The following TRPS1 variants were observed in gnomAD, a reference collection of about 807,000 sequenced individuals.
TRPS1 encodes transcriptional repressor GATA binding 1.
TRPS1 carries 6 observed loss-of-function variants against 101.2 expected under a neutral mutation model. That is an observed-to-expected ratio of 0.06 (90% CI 0.03 to 0.12). The LOEUF (loss-of-function observed/expected upper bound fraction) is 0.12, where lower values mean the gene tolerates loss of function less well. TRPS1 is among the 10% of genes least tolerant of loss of function. The probability of loss-of-function intolerance (pLI) is 1.00; values close to 1 mark genes in which losing one functional copy is unlikely to be tolerated. For synonymous variants in TRPS1, 578 were observed against 589.8 expected, an observed-to-expected ratio of 0.98 and a Z score of 0.29; for missense variants, 1,363 against 1,567.0, an observed-to-expected ratio of 0.87 and a Z score of 2.20.
chr8:115,439,078 A>C (rs988305386), intron 5 of TRPS1, among the ~76,000 whole-genome samples: 3 of 152,158 alleles, frequency 2.0e-5, no homozygotes, highest in African/African-American at 7.2e-5. Context: ...TGTGATTTTC[A>C]CTTCCTGGCA....
intron 5 of TRPS1, among the ~76,000 whole-genome samples, chr8:115,465,598 T>C (rs992597103): frequency 6.6e-6 from 1 of 152,168 alleles, no homozygotes; most frequent in African/African-American, 2.4e-5. Flanking sequence ...ATTGAAAAGA[T>C]ACATATACTG....
intron 1 of TRPS1, among the ~76,000 whole-genome samples, chr8:115,624,494 C>A (rs1057175153): frequency 8.6e-5 from 13 of 151,960 alleles, no homozygotes; most frequent in African/African-American, 2.7e-4. Flanking sequence ...ATATTATACG[C>A]CAAGATATTT....
At chr8:115,489,636 G>C (rs1399505963) in intron 5 of TRPS1, among the ~76,000 whole-genome samples, 1 of 152,086 alleles carries the variant, frequency 6.6e-6, no homozygotes, top group East Asian at 1.9e-4. Flanking sequence ...AAAGCAAAGA[G>C]TGGCTTTTGG....
chr8:115,567,541 A>C (rs1817097829), intron 5 of TRPS1, among the ~76,000 whole-genome samples: 1 of 152,122 alleles, frequency 6.6e-6, no homozygotes, highest in African/African-American at 2.4e-5. Flanking sequence ...CTAAATATTC[A>C]GATATGGATT....
At chr8:115,482,381 T>G (rs935192482) in intron 5 of TRPS1, among the ~76,000 whole-genome samples, 7 of 152,160 alleles carry the variant, frequency 4.6e-5, no homozygotes, top group African/African-American at 1.7e-4. Flanking sequence ...GTACAAAGTC[T>G]TACAGTTATA....
intron 5 of TRPS1, among the ~76,000 whole-genome samples, chr8:115,514,226 T>C (rs898360820): frequency 6.6e-6 from 1 of 151,742 alleles, no homozygotes; most frequent in African/African-American, 2.4e-5. Context: ...GAAGACATGG[T>C]CCTATGTTCA....
intron 5 of TRPS1, among the ~76,000 whole-genome samples, chr8:115,503,792 G>T (rs1350231277): frequency 6.6e-6 from 1 of 152,134 alleles, no homozygotes. Context: ...TTTATGAGCT[G>T]ATAGAAAAGA....
In TRPS1 at chr8:115,619,594, C is replaced by A. The variant is rs766879868; in HGVS notation, c.504G>T (p.Lys168Asn). The stretch of plus-strand genomic sequence containing the variant: ...TTTCCTCTGTAGCCTTTGGTGACAT[C>A]TTCTGATCTTCCTTTGTCTCCAGTG... ...GDSLETKEDQ[K>N]MSPKATEETG... is the part of the protein sequence containing the mutation. Residue 168 changes from lysine to asparagine, a missense_variant, in exon 3 of 7, where the codon AAG becomes AAT. Coordinates refer to ENST00000395715, the MANE Select transcript of TRPS1 (RefSeq NM_014112.5). 1 of 1,614,172 alleles carries A rather than the reference C, an allele frequency of 6.2e-7. No homozygotes were observed. Among genetic ancestry groups the A allele is most frequent in the Non-Finnish European group, 8.5e-7 (1 of 1,180,026 alleles).
At chr8:115,419,106 A>G (rs1426201770) in intron 5 of TRPS1, among the ~76,000 whole-genome samples, 1 of 152,242 alleles carries the variant, frequency 6.6e-6, no homozygotes, top group African/African-American at 2.4e-5. Context: ...GTTAGGCAAC[A>G]TAGACCCTTC....
At chr8:115,615,635 C>T (rs1443413928) in intron 3 of TRPS1, among the ~76,000 whole-genome samples, 5 of 152,096 alleles carry the variant, frequency 3.3e-5, no homozygotes, top group African/African-American at 1.2e-4. Context: ...GTGGTGCACA[C>T]CTGTTATCTC....
intron 5 of TRPS1, among the ~76,000 whole-genome samples, chr8:115,489,996 T>A (rs995483441): frequency 6.6e-5 from 10 of 152,210 alleles, no homozygotes; most frequent in Non-Finnish European, 1.5e-4. Context: ...TTTAGCTAAA[T>A]GTAAGAGTAG....
chr8:115,493,429 G>C (rs1014622102), intron 5 of TRPS1, among the ~76,000 whole-genome samples: 1 of 151,972 alleles, frequency 6.6e-6, no homozygotes, highest in Non-Finnish European at 1.5e-5. Context: ...GGCTCACTGC[G>C]ACTTCTGCCT....
chr8:115,581,103 G>A (rs1321209794), intron 5 of TRPS1, among the ~76,000 whole-genome samples: 2 of 151,942 alleles, frequency 1.3e-5, no homozygotes, highest in Non-Finnish European at 2.9e-5. Flanking sequence ...TTGCAGCAAC[G>A]TGAATAGAAC....
rs1243987773 is a variant in TRPS1, at chr8:115,604,115, C to T, written c.1854G>A (p.Gly618=). Residue 618 remains glycine (G), a synonymous_variant, in exon 4 of 7, where the codon GGG becomes GGA. Coordinates refer to ENST00000395715, the MANE Select transcript of TRPS1 (RefSeq NM_014112.5). This position sits in a 1 kb window ranked among gnomAD's most constrained non-coding sequence, Gnocchi z 4.1. Reference sequence around the variant, plus strand: ...GTTTGACTCGCGAGCTTCCAGCCGCCCCAGGAGACAAGTGCAGAAGCAAGA... The same window carrying T: ...GTTTGACTCGCGAGCTTCCAGCCGCTCCAGGAGACAAGTGCAGAAGCAAGA... ...CALLLLHLSP[G]AAGSSRVKHQ... 1 of 1,613,988 alleles carries T rather than the reference C, an allele frequency of 6.2e-7. No individual in the cohort carries two copies. Among genetic ancestry groups the T allele is most frequent in the African/African-American group, 1.3e-5 (1 of 74,980 alleles).
rs1346995047 is a variant in TRPS1 at position 115,514,233 on chromosome 8, T to A, written c.2700+72768A>T. Among the ~76,000 whole-genome samples the A allele has an allele frequency of 2.0e-5, 3 of 151,852 alleles. No individual in the cohort carries two copies. The East Asian group carries it at 5.8e-4, about 30-fold the overall frequency. On this transcript the variant is annotated intron_variant, in intron 5 of 6. Coordinates refer to ENST00000395715, the MANE Select transcript of TRPS1 (RefSeq NM_014112.5). ...GAATTAAAGAAGACATGGTCCTATGTTCAAAAACTCACTATTTTTAACAGC... is the reference window on the plus strand; with the variant it reads ...GAATTAAAGAAGACATGGTCCTATGATCAAAAACTCACTATTTTTAACAGC...
intron 5 of TRPS1, among the ~76,000 whole-genome samples, chr8:115,447,684 T>C (rs949913907): frequency 3.4e-4 from 51 of 152,162 alleles, no homozygotes; most frequent in African/African-American, 1.2e-3. Context: ...TTTATATATA[T>C]ATAATATGAA....
chr8:115,632,610 A>G (rs951790266), intron 1 of TRPS1, among the ~76,000 whole-genome samples: 1 of 152,168 alleles, frequency 6.6e-6, no homozygotes, highest in Admixed American at 6.6e-5. Flanking sequence ...ATATGATTAT[A>G]AAATACAATA....
At chr8:115,554,543 C>T (rs1816773789) in intron 5 of TRPS1, among the ~76,000 whole-genome samples, 1 of 152,148 alleles carries the variant, frequency 6.6e-6, no homozygotes, top group Admixed American at 6.6e-5. Flanking sequence ...CATTCTCAAA[C>T]TTTAAAACTG....
At chr8:115,523,741 T>C (rs1042062717) in intron 5 of TRPS1, among the ~76,000 whole-genome samples, 8 of 152,148 alleles carry the variant, frequency 5.3e-5, no homozygotes, top group Non-Finnish European at 8.8e-5. Flanking sequence ...ACAATATCCG[T>C]TGATACATGG....
Sources: gnomAD v4.1 joint callset for allele counts (sites outside exome capture counted in the v4.1 genomes callset) on GRCh38, gnomAD v4.1.1 for gene constraint, Gnocchi (gnomAD v3.1) non-coding constraint, MANE v1.5 for transcripts, NCBI Gene and HGNC (gene_info 2026-07-23, HGNC 2026-07-21) for gene names.